The following MBD5 variants were observed in gnomAD, a reference collection of about 807,000 sequenced individuals.
MBD5 encodes methyl-CpG-binding domain protein 5.
MBD5 carries 13 observed loss-of-function variants against 117.3 expected under a neutral mutation model. That is an observed-to-expected ratio of 0.11 (90% confidence interval 0.07 to 0.18). The LOEUF is 0.18. Among genes scored for constraint, MBD5 ranks in the 10% least tolerant of loss-of-function variants. MBD5 has a pLI of 1.00. For missense variants in MBD5, 1,879 were observed against 2,093.8 expected, an observed-to-expected ratio of 0.90 and a Z score of 2.00; for synonymous variants, 727 against 766.4, an observed-to-expected ratio of 0.95 and a Z score of 0.85.
At chr2:148,394,672 T>A (rs1704658641) in intron 4 of MBD5, among the ~76,000 whole-genome samples, 1 of 151,934 alleles carries the variant, frequency 6.6e-6, no homozygotes, top group Non-Finnish European at 1.5e-5. Flanking sequence ...AGCTTTTGAT[T>A]TGCTATTTTT....
chr2:148,072,384 G>A (rs931165592), intron 1 of MBD5, among the ~76,000 whole-genome samples: 28 of 152,118 alleles, frequency 1.8e-4, no homozygotes, highest in African/African-American at 6.0e-4. Context: ...GTAGACTTTA[G>A]TATTTATAGG....
intron 4 of MBD5, among the ~76,000 whole-genome samples, chr2:148,399,713 G>A (rs1157942017): frequency 6.6e-6 from 1 of 151,990 alleles, no homozygotes; most frequent in Non-Finnish European, 1.5e-5. Context: ...GGTGAGAGAG[G>A]GCATCCCTGT....
intron 4 of MBD5, among the ~76,000 whole-genome samples, chr2:148,397,700 G>A (rs1273379792): frequency 6.6e-6 from 1 of 151,720 alleles, no homozygotes; most frequent in African/African-American, 2.4e-5. Flanking sequence ...TGTGCACAAC[G>A]TGCAGGTTTG....
chr2:148,021,477 G>T lies in MBD5; in HGVS notation c.-1132G>T. 1.7e-6 allele frequency: 1 copy of T among 578,714 alleles called. No homozygotes were observed. The allele number at this position is 578,714 out of a possible 1,614,324, so 35.8% of individuals were successfully genotyped here. A position where few individuals can be genotyped will look rare whatever the true frequency, so the allele number is the denominator to read the frequency against. On this transcript the variant is annotated 5_prime_UTR_variant, in exon 1 of 14. Coordinates refer to ENST00000642680, the MANE Select transcript of MBD5 (RefSeq NM_001378120.1). ...TGCTGCTGCTGTTGCTGCTGCTGCT[G>T]CTGTTGCTGCTGCTGCTGCTACTGC...
chr2:148,124,909 GT>G lies in MBD5; in HGVS notation c.-924-53790del, dbSNP rs544564491. Among the ~76,000 whole-genome samples, 347 of 150,896 alleles carry G rather than the reference GT, an allele frequency of 2.3e-3. 1 individual carries two copies. The highest frequency in any genetic ancestry group is 8.5e-3 in the South Asian group (41 of 4,808). ...AAATATATGTACATATATTTATAATGTATCAAAGAAAATATAGTAAATAAGT... is the reference window on the plus strand; with the variant it reads ...AAATATATGTACATATATTTATAATGATCAAAGAAAATATAGTAAATAAGT... On this transcript the variant is annotated intron_variant, in intron 1 of 13. Coordinates refer to ENST00000642680, the MANE Select transcript of MBD5 (RefSeq NM_001378120.1).
intron 8 of MBD5, among the ~76,000 whole-genome samples, chr2:148,475,030 T>G (rs922825004): frequency 6.6e-6 from 1 of 152,184 alleles, no homozygotes; most frequent in African/African-American, 2.4e-5. Context: ...TAAAGTATCC[T>G]TCTCAGGAGA....
chr2:148,492,182 A>G (rs1011346244), intron 11 of MBD5, among the ~76,000 whole-genome samples: 1 of 151,874 alleles, frequency 6.6e-6, no homozygotes, highest in East Asian at 1.9e-4. Context: ...TTTAAAAAAA[A>G]AAAACGAAGA....
chr2:148,328,040 T>G (rs1702509919), intron 3 of MBD5, among the ~76,000 whole-genome samples: 1 of 152,136 alleles, frequency 6.6e-6, no homozygotes, highest in South Asian at 2.1e-4. Flanking sequence ...CCTTTCTGTT[T>G]GTTAGTTTCC....
chr2:148,035,615 G>A (rs1167689552), intron 1 of MBD5, among the ~76,000 whole-genome samples: 1 of 152,134 alleles, frequency 6.6e-6, no homozygotes, highest in African/African-American at 2.4e-5. Context: ...TTTGGTGATT[G>A]TTATTAAGTG....
At chr2:148,033,031 CA>C (rs1402376933) in intron 1 of MBD5, among the ~76,000 whole-genome samples, 1 of 152,046 alleles carries the variant, frequency 6.6e-6, no homozygotes, top group African/African-American at 2.4e-5. Context: ...GAGATTCTAA[CA>C]AATGATGGTG....
chr2:148,336,861 C>G (rs976647653), intron 3 of MBD5, among the ~76,000 whole-genome samples: 9 of 152,180 alleles, frequency 5.9e-5, no homozygotes, highest in African/African-American at 2.2e-4. Context: ...GTCAGTTCCG[C>G]TTGCTTGGCC....
intron 11 of MBD5, among the ~76,000 whole-genome samples, chr2:148,499,428 GTACTA>G (rs1438065869): frequency 6.6e-6 from 1 of 152,202 alleles, no homozygotes; most frequent in Admixed American, 6.5e-5. Context: ...ATGATGGCCA[GTACTA>G]TTAGCATCAT....
intron 2 of MBD5, among the ~76,000 whole-genome samples, chr2:148,221,235 T>A (rs1044328642): frequency 6.6e-6 from 1 of 152,156 alleles, no homozygotes; most frequent in African/African-American, 2.4e-5. Flanking sequence ...GCAACAAACA[T>A]GGGATTGCAG....
At chr2:148,081,914 T>G (rs1233245064) in intron 1 of MBD5, among the ~76,000 whole-genome samples, 2 of 152,224 alleles carry the variant, frequency 1.3e-5, no homozygotes, top group Admixed American at 1.3e-4. Context: ...TGATTGCATT[T>G]ATTTCATAGG....
intron 3 of MBD5, among the ~76,000 whole-genome samples, chr2:148,303,409 C>T (rs1323653187): frequency 6.6e-6 from 1 of 152,150 alleles, no homozygotes; most frequent in Non-Finnish European, 1.5e-5. Context: ...ACCACAACAG[C>T]ACAGCAGGGA....
intron 3 of MBD5, among the ~76,000 whole-genome samples, chr2:148,248,184 CA>C (rs2106229772): frequency 6.6e-6 from 1 of 152,212 alleles, no homozygotes; most frequent in African/African-American, 2.4e-5. Flanking sequence ...TACGGACGTC[CA>C]AATATCTACA....
At chr2:148,272,850 A>T (rs1444461469) in intron 3 of MBD5, among the ~76,000 whole-genome samples, 1 of 151,988 alleles carries the variant, frequency 6.6e-6, no homozygotes, top group Non-Finnish European at 1.5e-5. Context: ...TTTGCCTGAT[A>T]TATCTTTATG....
Position 148,051,709 on chromosome 2 carries a change from A to G in MBD5, c.-925+30025A>G, listed in dbSNP as rs550002739. Among the ~76,000 whole-genome samples the G allele has an allele frequency of 3.3e-5, 5 of 151,778 alleles. No homozygotes were observed. The South Asian group carries it at 1.0e-3, about 32-fold the overall frequency. On this transcript the variant is annotated intron_variant, in intron 1 of 13. Coordinates refer to ENST00000642680, the MANE Select transcript of MBD5 (RefSeq NM_001378120.1). ...TTTCTGCATTTGTTGAGATGATCAT[A>G]TGGTTTAATATAATCACAATTATGA...
chr2:148,094,957 T>G (rs1385726812), intron 1 of MBD5, among the ~76,000 whole-genome samples: 1 of 152,174 alleles, frequency 6.6e-6, no homozygotes, highest in African/African-American at 2.4e-5. Context: ...TAGTGTTTTT[T>G]CTATACTCAG....
Sources: allele counts gnomAD v4.1 joint callset (sites outside exome capture counted in the v4.1 genomes callset), GRCh38; gene constraint gnomAD v4.1.1; transcripts MANE v1.5; gene names NCBI Gene and HGNC (gene_info 2026-07-23, HGNC 2026-07-21).